Variants in ESR1 observed in about 807,000 individuals in gnomAD.
The protein encoded by ESR1 is estrogen receptor 1.
ESR1 carries 12 observed loss-of-function variants against 52.7 expected under a neutral mutation model. That is an observed-to-expected ratio of 0.23 (90% CI 0.15 to 0.37). The LOEUF is 0.37. ESR1 is among the 10% of genes least tolerant of loss of function. The pLI, the probability that ESR1 is intolerant of heterozygous loss-of-function variation, is 1.00. For synonymous variants in ESR1, 305 were observed against 316.8 expected (o/e 0.96, Z 0.39); for missense variants, 584 against 779.7 (o/e 0.75, Z 2.99).
At chr6:151,759,866 T>C (rs1784543771) in intron 2 of ESR1, among the ~76,000 whole-genome samples, 1 of 152,190 alleles carries the variant, frequency 6.6e-6, no homozygotes, top group African/African-American at 2.4e-5. Flanking sequence ...CTTCAGGTAT[T>C]AGGTTGGTGC....
chr6:152,119,867 C>T lies in ESR1; in HGVS notation c.851-5399C>T, dbSNP rs140190766. ...GCCCTTGCTAAATTGGCCAATCAAT[C>T]ATCTGGGGAAGAGCCACGACCTCAT... On this transcript the variant is annotated intron_variant, in intron 6 of 6. Coordinates refer to the ESR1 transcript ENST00000427531. 1.1e-4 allele frequency among the ~76,000 whole-genome samples: 16 copies of T among 152,322 alleles called. No individual in the cohort carries two copies. In the East Asian group the frequency reaches 2.9e-3, roughly 28 times the overall value.
chr6:152,020,868 G>A (rs1397527387), intron 5 of ESR1, among the ~76,000 whole-genome samples: 2 of 152,108 alleles, frequency 1.3e-5, no homozygotes, highest in Non-Finnish European at 2.9e-5. Context: ...GTCATGCTAT[G>A]TGCCCTTAAT....
chr6:151,864,291 A>G (rs1267392211), intron 2 of ESR1, among the ~76,000 whole-genome samples: 1 of 152,212 alleles, frequency 6.6e-6, no homozygotes, highest in Non-Finnish European at 1.5e-5. Flanking sequence ...ATGAACAGAC[A>G]CTTCTCAAAA....
In ESR1 at chr6:152,100,596, C is replaced by G. The variant is rs1453978293; in HGVS notation, c.*1630C>G. On this transcript the variant is annotated 3_prime_UTR_variant, in exon 8 of 8. Coordinates refer to ENST00000206249, the MANE Select transcript of ESR1 (RefSeq NM_000125.4). ...AACAAAAAAGAATGTTTGATTTCCT[C>G]TGGGTGACCTTATTGTCTGTAATTG... The G allele has an allele frequency of 4.3e-6, 1 of 232,180 alleles. No homozygotes were observed. Among genetic ancestry groups the G allele is most frequent in the African/African-American group, 2.2e-5 (1 of 45,256 alleles). 14.4% of individuals were successfully genotyped at this position (232,180 alleles called of 1,614,324 possible). A position where few individuals can be genotyped will look rare whatever the true frequency, so the allele number is the denominator to read the frequency against.
At chr6:151,728,924 A>G (rs186607723) in intron 2 of ESR1, among the ~76,000 whole-genome samples, 2 of 152,384 alleles carry the variant, frequency 1.3e-5, no homozygotes, top group East Asian at 1.9e-4. Flanking sequence ...CTAAAAATGC[A>G]TGTAGATAAA....
chr6:152,011,928 T>A, intron 5 of ESR1, 134 bp downstream of exon 5: 2 of 918,104 alleles, frequency 2.2e-6, no homozygotes, highest in Non-Finnish European at 3.3e-6. Flanking sequence ...AAAGAGTGCA[T>A]TGGGGGTGAT....
chr6:151,846,676 T>C (rs1426249709), intron 2 of ESR1, among the ~76,000 whole-genome samples: 2 of 152,236 alleles, frequency 1.3e-5, no homozygotes, highest in African/African-American at 4.8e-5. Context: ...CACTACTTAG[T>C]GTACAAACTT....
At chr6:151,820,838 A>G (rs1425554771) in intron 1 of ESR1, among the ~76,000 whole-genome samples, 1 of 152,220 alleles carries the variant, frequency 6.6e-6, no homozygotes, top group Admixed American at 6.5e-5. Flanking sequence ...TAATATCAGA[A>G]GCCAATAAAT....
intron 2 of ESR1, among the ~76,000 whole-genome samples, chr6:151,847,567 G>A (rs947109773): frequency 8.5e-5 from 12 of 140,904 alleles, no homozygotes; most frequent in Admixed American, 1.5e-4. Flanking sequence ...CATGTCCTTC[G>A]CCCACTTTTT....
intron 1 of ESR1, among the ~76,000 whole-genome samples, chr6:151,819,517 A>T (rs1454015269): frequency 6.6e-6 from 1 of 152,106 alleles, no homozygotes; most frequent in African/African-American, 2.4e-5. Flanking sequence ...TTTTCATAGG[A>T]ATGCAAACCC....
chr6:151,772,548 A>G (rs941176468), intron 2 of ESR1, among the ~76,000 whole-genome samples: 6 of 152,166 alleles, frequency 3.9e-5, no homozygotes, highest in African/African-American at 1.4e-4. Flanking sequence ...TCAGACAGAC[A>G]TTGTCTACTT....
At chr6:152,054,033 A>G (rs2046905013) in intron 5 of ESR1, among the ~76,000 whole-genome samples, 4 of 152,148 alleles carry the variant, frequency 2.6e-5, no homozygotes, top group African/African-American at 7.2e-5. Context: ...AAGATGAGGT[A>G]TATTTTAACA....
chr6:151,942,807 G>A (rs2035226606), intron 3 of ESR1, among the ~76,000 whole-genome samples: 1 of 152,054 alleles, frequency 6.6e-6, no homozygotes, highest in Non-Finnish European at 1.5e-5. Context: ...AAAAATAGTT[G>A]TATTAACTTT....
At chr6:152,045,169 T>C (rs2046127261) in intron 5 of ESR1, among the ~76,000 whole-genome samples, 1 of 152,044 alleles carries the variant, frequency 6.6e-6, no homozygotes, top group Non-Finnish European at 1.5e-5. Context: ...GAAGGGACAA[T>C]TACTGTGAGC....
rs1318815456 is a variant in ESR1 at position 151,670,504 on chromosome 6, C to T, written n.73+13741C>T. 3.3e-5 allele frequency among the ~76,000 whole-genome samples: 5 copies of T among 152,106 alleles called. No individual in the cohort carries two copies. In the South Asian group the frequency reaches 8.3e-4, roughly 25 times the overall value. On this transcript the variant is annotated intron_variant and non_coding_transcript_variant, in intron 1 of 2. Transcript: ENST00000473497. Reference sequence around the variant, plus strand: ...GGCACATGGTAGGAGCCCAGTTAAACGTTTGTTGAATAAATAAATGAATAC... The same window carrying T: ...GGCACATGGTAGGAGCCCAGTTAAATGTTTGTTGAATAAATAAATGAATAC...
At chr6:151,947,231 A>G (rs1455253457) in intron 4 of ESR1, among the ~76,000 whole-genome samples, 2 of 152,144 alleles carry the variant, frequency 1.3e-5, no homozygotes, top group Non-Finnish European at 2.9e-5. Flanking sequence ...AGGTGGGAGA[A>G]TTGCTTGAAC....
chr6:152,029,587 G>C (rs2044484283), intron 5 of ESR1, among the ~76,000 whole-genome samples: 2 of 152,170 alleles, frequency 1.3e-5, no homozygotes, highest in South Asian at 2.1e-4. Context: ...GAGAAGTTTA[G>C]AGAAAGAAGA....
chr6:151,827,091 A>G (rs1781625443), intron 1 of ESR1, among the ~76,000 whole-genome samples: 1 of 152,116 alleles, frequency 6.6e-6, no homozygotes, highest in South Asian at 2.1e-4. Context: ...TGGGTGGCTG[A>G]GGCAGATGGG....
intron 2 of ESR1, among the ~76,000 whole-genome samples, chr6:151,722,004 G>A (rs1327336614): frequency 6.6e-6 from 1 of 152,226 alleles, no homozygotes; most frequent in Non-Finnish European, 1.5e-5. Context: ...CCAACAGATG[G>A]TGACAGATTA....
Sources: allele counts gnomAD v4.1 joint callset (sites outside exome capture counted in the v4.1 genomes callset), GRCh38; gene constraint gnomAD v4.1.1; transcripts MANE v1.5; gene names NCBI Gene and HGNC (gene_info 2026-07-23, HGNC 2026-07-21).